SGPP2: variants seen among roughly 807,000 people sequenced by gnomAD.
SGPP2 encodes the protein sphingosine 1-phosphate phosphohydrolase 2.
In SGPP2, 30 loss-of-function variants were observed where a neutral mutation model predicts 33.9. That is an observed-to-expected ratio of 0.89 (90% CI 0.66 to 1.20). SGPP2 has a LOEUF of 1.20. Ranked by LOEUF, SGPP2 falls within the 50% of genes most tolerant of loss-of-function variation. SGPP2 has a pLI of 0.00. For synonymous variants in SGPP2, 233 were observed against 225.0 expected (o/e 1.04, Z -0.32); for missense variants, 458 against 532.1 (o/e 0.86, Z 1.37).
chr2:222,544,546 T>C (rs1315220534), intron 4 of SGPP2, among the ~76,000 whole-genome samples: 2 of 152,198 alleles, frequency 1.3e-5, no homozygotes, highest in African/African-American at 4.8e-5. Context: ...TTTTAAATCA[T>C]CTCTAGATTA....
At chr2:222,525,622 C>A (rs1235243544) in intron 4 of SGPP2, among the ~76,000 whole-genome samples, 4 of 152,208 alleles carry the variant, frequency 2.6e-5, no homozygotes, top group African/African-American at 4.8e-5. Context: ...GTTAAAATTC[C>A]TTGAGAATTC....
At chr2:222,453,311 A>G (rs1697521353) in intron 1 of SGPP2, among the ~76,000 whole-genome samples, 1 of 152,228 alleles carries the variant, frequency 6.6e-6, no homozygotes. Flanking sequence ...TTACTGGGGA[A>G]GAGAAGTAAA....
At chr2:222,527,746 G>A (rs1698779884) in intron 4 of SGPP2, among the ~76,000 whole-genome samples, 1 of 152,216 alleles carries the variant, frequency 6.6e-6, no homozygotes, top group East Asian at 1.9e-4. Context: ...CTTAGGCCCA[G>A]GTACCAGTCA....
intron 2 of SGPP2, among the ~76,000 whole-genome samples, chr2:222,492,675 C>T (rs1007364293): frequency 6.6e-6 from 1 of 152,192 alleles, no homozygotes; most frequent in Admixed American, 6.5e-5. Flanking sequence ...GTTACTTATG[C>T]AAATTTCTGC....
intron 4 of SGPP2, among the ~76,000 whole-genome samples, chr2:222,555,566 A>G (rs1689380585): frequency 2.0e-5 from 3 of 151,268 alleles, no homozygotes; most frequent in Non-Finnish European, 4.4e-5. Context: ...GCAGGCCTCA[A>G]TTTTGAGAGA....
At chr2:222,555,455 T>TG (rs1343436217) in intron 4 of SGPP2, among the ~76,000 whole-genome samples, 12 of 151,344 alleles carry the variant, frequency 7.9e-5, no homozygotes, top group Non-Finnish European at 1.2e-4. Flanking sequence ...GTTTTTTTTT[T>TG]TTTTTTTTTT....
rs760107905 is a variant in SGPP2, at chr2:222,559,780, C to T, written c.*882C>T. 6.6e-6 allele frequency: 1 copy of T among 152,412 alleles called. No homozygotes were observed. The highest frequency in any genetic ancestry group is 2.4e-5 in the African/African-American group (1 of 41,454). The allele number at this position is 152,412 out of a possible 1,614,324, so 9.4% of individuals were successfully genotyped here. A position where few individuals can be genotyped will look rare whatever the true frequency, so the allele number is the denominator to read the frequency against. On this transcript the variant is annotated 3_prime_UTR_variant, in exon 5 of 5. Transcript: ENST00000321276. ...TCCTCCTTGTTATGATCAAATTAGA[C>T]TGTGCCTGGTTGGGTGGTAAGATCA...
At chr2:222,485,530 G>C (rs1698093079) in intron 2 of SGPP2, among the ~76,000 whole-genome samples, 1 of 152,190 alleles carries the variant, frequency 6.6e-6, no homozygotes, top group Non-Finnish European at 1.5e-5. Context: ...TGTCATTCCT[G>C]GGCCCATGTT....
intron 4 of SGPP2, among the ~76,000 whole-genome samples, chr2:222,548,937 A>G (rs1689247179): frequency 6.6e-6 from 1 of 152,248 alleles, no homozygotes; most frequent in South Asian, 2.1e-4. Context: ...ACATTGACTG[A>G]TCTATGACTA....
rs1250429716 is a variant in SGPP2, at chr2:222,465,744, G to A, written c.220-8824G>A. 6.6e-6 allele frequency among the ~76,000 whole-genome samples: 1 copy of A among 152,170 alleles called. No individual in the cohort carries two copies. Among genetic ancestry groups the A allele is most frequent in the Non-Finnish European group, 1.5e-5 (1 of 68,028 alleles). ...CAGCCTCAGTCTCAAGTCTGGGCTTGGTTTCACGTCTGCTCTTGAGGTCAT... is the reference window on the plus strand; with the variant it reads ...CAGCCTCAGTCTCAAGTCTGGGCTTAGTTTCACGTCTGCTCTTGAGGTCAT... On this transcript the variant is annotated intron_variant, in intron 1 of 4. Transcript: ENST00000321276. The surrounding 1 kb of genome is among the most constrained non-coding windows in gnomAD (Gnocchi z 4.1).
chr2:222,478,018 C>G (rs1192879134), intron 2 of SGPP2, among the ~76,000 whole-genome samples: 1 of 151,960 alleles, frequency 6.6e-6, no homozygotes, highest in African/African-American at 2.4e-5. Flanking sequence ...TTCACCAGTC[C>G]CCCTGTGCTG....
intron 1 of SGPP2, among the ~76,000 whole-genome samples, chr2:222,435,910 T>G (rs1697232766): frequency 6.6e-6 from 1 of 152,218 alleles, no homozygotes; most frequent in Non-Finnish European, 1.5e-5. Flanking sequence ...TTTTTCCTCG[T>G]AGAGTGATTC....
chr2:222,444,759 G>T (rs1697374918), intron 1 of SGPP2, among the ~76,000 whole-genome samples: 1 of 152,166 alleles, frequency 6.6e-6, no homozygotes, highest in Admixed American at 6.5e-5. Flanking sequence ...AACTTATCAA[G>T]GATAGAACTA....
chr2:222,439,548 A>T (rs1312914805), intron 1 of SGPP2, among the ~76,000 whole-genome samples: 2 of 152,096 alleles, frequency 1.3e-5, no homozygotes, highest in African/African-American at 4.8e-5. Context: ...AAAAGGAAAC[A>T]ACCAAAACGT....
At chr2:222,518,368 AT>A (rs1163700607) in intron 2 of SGPP2, among the ~76,000 whole-genome samples, 1 of 152,174 alleles carries the variant, frequency 6.6e-6, no homozygotes, top group African/African-American at 2.4e-5. Context: ...CCCAATCATT[AT>A]TTTTATGATT....
At chr2:222,433,839 A>G (rs1697195593) in intron 1 of SGPP2, among the ~76,000 whole-genome samples, 1 of 152,256 alleles carries the variant, frequency 6.6e-6, no homozygotes, top group Non-Finnish European at 1.5e-5. Context: ...ATGGTGAAAC[A>G]TCTGACAAGT....
rs536096573 is a variant in SGPP2, at chr2:222,459,545, G to A, written c.220-15023G>A. Reference sequence around the variant, plus strand: ...CCATTTCAGACAATGAATTGGTTTAGTATGGCAGAGTCCCATTATAGCATA... The same window carrying A: ...CCATTTCAGACAATGAATTGGTTTAATATGGCAGAGTCCCATTATAGCATA... On this transcript the variant is annotated intron_variant, in intron 1 of 4. Coordinates refer to ENST00000321276, the MANE Select transcript of SGPP2 (RefSeq NM_152386.4). Among the ~76,000 whole-genome samples the A allele has an allele frequency of 7.9e-5, 12 of 152,226 alleles. No individual in the cohort carries two copies. In the South Asian group the frequency reaches 2.1e-3, roughly 26 times the overall value.
chr2:222,480,523 G>C (rs1231719640), intron 2 of SGPP2, among the ~76,000 whole-genome samples: 1 of 152,212 alleles, frequency 6.6e-6, no homozygotes, highest in Non-Finnish European at 1.5e-5. Flanking sequence ...GTGAGCCACA[G>C]ATTCATATTT....
chr2:222,437,366 G>T (rs531204167), intron 1 of SGPP2, among the ~76,000 whole-genome samples: 1 of 152,194 alleles, frequency 6.6e-6, no homozygotes, highest in African/African-American at 2.4e-5. Context: ...TCCCTTCACC[G>T]CTGTCCTTCA....
Sources: allele counts gnomAD v4.1 joint callset (sites outside exome capture counted in the v4.1 genomes callset), GRCh38; gene constraint gnomAD v4.1.1; non-coding constraint Gnocchi (gnomAD v3.1); transcripts MANE v1.5; gene names NCBI Gene and HGNC (gene_info 2026-07-23, HGNC 2026-07-21).